RUNX1: variants seen among roughly 807,000 people sequenced by gnomAD.
RUNX1 encodes runt-related transcription factor 1.
A neutral mutation model predicts 42.8 loss-of-function variants in RUNX1; 19 were observed. The ratio of observed to expected loss-of-function variants is 0.44; its 90% confidence interval spans 0.31 to 0.65. The LOEUF is 0.65. Among genes scored for constraint, RUNX1 ranks in the 30% least tolerant of loss-of-function variants. The pLI is 0.07. For missense variants in RUNX1, 528 were observed against 672.0 expected, an observed-to-expected ratio of 0.79 and a Z score of 2.37; for synonymous variants, 271 against 289.4, an observed-to-expected ratio of 0.94 and a Z score of 0.64.
At chr21:34,904,172 T>G (rs1333616777) in intron 2 of RUNX1, among the ~76,000 whole-genome samples, 2 of 152,176 alleles carry the variant, frequency 1.3e-5, no homozygotes, top group Non-Finnish European at 2.9e-5. Context: ...TGGACTTGCT[T>G]AGAAAAATAC....
chr21:35,047,552 CA>C (rs2059407236), intron 2 of RUNX1, among the ~76,000 whole-genome samples: 2 of 110,272 alleles, frequency 1.8e-5, no homozygotes, highest in Non-Finnish European at 3.5e-5. Context: ...CACACACACA[CA>C]CACACACACT....
intron 7 of RUNX1, among the ~76,000 whole-genome samples, chr21:34,814,557 G>A (rs1317924474): frequency 2.0e-5 from 3 of 152,104 alleles, no homozygotes; most frequent in Admixed American, 6.5e-5. Context: ...TCACAGGCTC[G>A]CTCTCCTCCA....
At position 34,880,537 on chromosome 21, in the gene RUNX1, A is replaced by C. The variant is rs748235501; in HGVS notation, c.508+20T>G. 4 of 1,613,468 alleles carry C rather than the reference A, an allele frequency of 2.5e-6. No homozygotes were observed. The South Asian group carries it at 4.4e-5, about 18-fold the overall frequency. On this transcript the variant is annotated intron_variant, in intron 5 of 8. Transcript: ENST00000675419. ...TTGCCATGAAACGTGTTTCAAGCAT[A>C]GTTTTGACAGATAACGTACCTCTTC...
intron 2 of RUNX1, among the ~76,000 whole-genome samples, chr21:35,027,913 C>A (rs1200158661): frequency 6.6e-6 from 1 of 152,178 alleles, no homozygotes; most frequent in African/African-American, 2.4e-5. Flanking sequence ...GCTTTAGGAT[C>A]TTGTGGCCTA....
At chr21:34,993,736 C>CAT in intron 2 of RUNX1, among the ~76,000 whole-genome samples, 1 of 132,490 alleles carries the variant, frequency 7.5e-6, no homozygotes, top group African/African-American at 4.1e-5. Context: ...CACACAGACA[C>CAT]ACAGAGACAC....
At chr21:34,940,209 A>G (rs1443856209) in intron 2 of RUNX1, among the ~76,000 whole-genome samples, 2 of 152,174 alleles carry the variant, frequency 1.3e-5, no homozygotes, top group Non-Finnish European at 2.9e-5. Flanking sequence ...GAAGCTGTCA[A>G]TGGGATGGGG....
intron 2 of RUNX1, among the ~76,000 whole-genome samples, chr21:34,956,896 C>T (rs2058648364): frequency 6.6e-6 from 1 of 152,180 alleles, no homozygotes; most frequent in Admixed American, 6.5e-5. Flanking sequence ...AACTCTTGTT[C>T]CTCAGTCTTG....
chr21:34,869,550 G>C (rs999787700), intron 5 of RUNX1, among the ~76,000 whole-genome samples: 2 of 152,224 alleles, frequency 1.3e-5, no homozygotes, highest in African/African-American at 4.8e-5. Flanking sequence ...CAGAATGCAA[G>C]ATAATAGTGT....
intron 7 of RUNX1, among the ~76,000 whole-genome samples, chr21:34,801,618 C>T (rs73362843): frequency 0.031 from 4,671 of 152,232 alleles, 216 homozygotes; most frequent in African/African-American, 0.11. Flanking sequence ...AGTCAACACC[C>T]TGAAGCCCAC....
intron 2 of RUNX1, among the ~76,000 whole-genome samples, chr21:35,042,182 G>C (rs1439533075): frequency 6.6e-6 from 1 of 152,108 alleles, no homozygotes; most frequent in Non-Finnish European, 1.5e-5. Context: ...GTGTGAACTT[G>C]GATCCATTTA....
chr21:34,941,643 T>C (rs560591349), intron 2 of RUNX1, among the ~76,000 whole-genome samples: 2 of 152,344 alleles, frequency 1.3e-5, no homozygotes, highest in South Asian at 2.1e-4. Context: ...TGTCAGCCCA[T>C]ATACTCTACA....
At chr21:34,820,216 G>A (rs1456661072) in intron 7 of RUNX1, among the ~76,000 whole-genome samples, 1 of 152,166 alleles carries the variant, frequency 6.6e-6, no homozygotes, top group Non-Finnish European at 1.5e-5. Flanking sequence ...GCATGGCTTT[G>A]AGGAGGATAT....
chr21:34,888,616 A>T, intron 3 of RUNX1: 1 of 1,056,424 alleles, frequency 9.5e-7, no homozygotes, highest in Non-Finnish European at 1.1e-6. Context: ...CTGGCGGCGC[A>T]GGGCCGGGCA....
chr21:34,949,857 C>G (rs1200486399), intron 2 of RUNX1, among the ~76,000 whole-genome samples: 1 of 152,194 alleles, frequency 6.6e-6, no homozygotes, highest in Non-Finnish European at 1.5e-5. Context: ...ACACGAGGCC[C>G]TTCTTCAAGG....
chr21:34,793,189 G>C (rs1485113797), intron 8 of RUNX1, among the ~76,000 whole-genome samples: 1 of 141,434 alleles, frequency 7.1e-6, no homozygotes. Flanking sequence ...CACCCAAAAA[G>C]ATGAGGTCAC....
chr21:34,841,472 C>T (rs114848905), intron 6 of RUNX1, among the ~76,000 whole-genome samples: 4,126 of 152,228 alleles, frequency 0.027, 67 homozygotes, highest in African/African-American at 0.04. Flanking sequence ...TGGGCCTTCC[C>T]GAACCATGGT....
chr21:34,872,046 G>A (rs976590987), intron 5 of RUNX1, among the ~76,000 whole-genome samples: 3 of 152,066 alleles, frequency 2.0e-5, no homozygotes, highest in African/African-American at 4.8e-5. Flanking sequence ...GTTTCACCAC[G>A]TTGGCCAAGC....
chr21:34,814,744 G>A (rs1179456254), intron 7 of RUNX1, among the ~76,000 whole-genome samples: 2 of 152,164 alleles, frequency 1.3e-5, no homozygotes, highest in Non-Finnish European at 2.9e-5. Flanking sequence ...AGTTGCCTCC[G>A]TCTTTTCCAG....
intron 7 of RUNX1, among the ~76,000 whole-genome samples, chr21:34,830,664 A>C (rs2057050856): frequency 6.6e-6 from 1 of 152,198 alleles, no homozygotes; most frequent in Non-Finnish European, 1.5e-5. Flanking sequence ...GTCCAAGTTC[A>C]TCACTTACAA....
Sources: allele counts gnomAD v4.1 joint callset (sites outside exome capture counted in the v4.1 genomes callset), GRCh38; gene constraint gnomAD v4.1.1; transcripts MANE v1.5; gene names NCBI Gene and HGNC (gene_info 2026-07-23, HGNC 2026-07-21).